COLEC12: variants seen among roughly 807,000 people sequenced by gnomAD.
The protein encoded by COLEC12 is collectin-12.
A neutral mutation model predicts 71.1 loss-of-function variants in COLEC12; 33 were observed. The observed-to-expected ratio is 0.46, with a 90% CI of 0.35 to 0.62. COLEC12 has a LOEUF of 0.62. Ranked by LOEUF, COLEC12 falls within the 20% of genes least tolerant of loss-of-function variation. The pLI is 0.00. For missense variants in COLEC12, 765 were observed against 916.1 expected, an observed-to-expected ratio of 0.84 and a Z score of 2.13; for synonymous variants, 350 against 353.0, an observed-to-expected ratio of 0.99 and a Z score of 0.10.
intron 5 of COLEC12, among the ~76,000 whole-genome samples, chr18:339,736 A>C (rs1914202498): frequency 6.6e-6 from 1 of 152,176 alleles, no homozygotes; most frequent in Admixed American, 6.5e-5. Flanking sequence ...GTTAGGTCAA[A>C]ACATATTCTA....
rs1137351 is a variant in COLEC12 at position 318,553 on chromosome 18, T to G, written c.*1492A>C. On this transcript the variant is annotated 3_prime_UTR_variant, in exon 10 of 10. Coordinates refer to ENST00000400256, the MANE Select transcript of COLEC12 (RefSeq NM_130386.3). ...TGTCACCGAGGCTGGAGTGCAGTGG[T>G]GCGATCTTGGCTCACTGCAATCTCT... 1.7e-4 allele frequency: 22 copies of G among 132,212 alleles called. No individual in the cohort carries two copies. The highest frequency in any genetic ancestry group is 2.6e-4 in the Non-Finnish European group (17 of 64,928). The allele number at this position is 132,212 out of a possible 1,614,324, so 8.2% of individuals were successfully genotyped here.
chr18:483,238 A>G (rs1411361376), intron 1 of COLEC12, among the ~76,000 whole-genome samples: 2 of 151,948 alleles, frequency 1.3e-5, no homozygotes, highest in Non-Finnish European at 2.9e-5. Context: ...CATCTCTACT[A>G]AAAATATAAA....
chr18:364,813 C>G (rs1914821349), intron 2 of COLEC12, among the ~76,000 whole-genome samples: 2 of 152,218 alleles, frequency 1.3e-5, no homozygotes, highest in South Asian at 4.2e-4. Flanking sequence ...GGAACCCTCT[C>G]CTGGTTACTT....
intron 2 of COLEC12, among the ~76,000 whole-genome samples, chr18:383,760 C>T: frequency 6.6e-6 from 1 of 152,060 alleles, no homozygotes; most frequent in African/African-American, 2.4e-5. Context: ...CATTCTCAGG[C>T]TGCTAATACA....
At chr18:357,588 A>G in intron 2 of COLEC12, 66 bp from the exon 3 acceptor site, 4 of 1,339,056 alleles carry the variant, frequency 3.0e-6, no homozygotes, top group Non-Finnish European at 3.1e-6. Flanking sequence ...ATCTTTTTGC[A>G]TTTAGGTTCA....
intron 8 of COLEC12, among the ~76,000 whole-genome samples, chr18:329,895 T>C (rs1408240655): frequency 3.9e-5 from 6 of 152,034 alleles, no homozygotes; most frequent in South Asian, 2.1e-4. Context: ...CAGAGCAACA[T>C]AGTGGACCAC....
intron 2 of COLEC12, among the ~76,000 whole-genome samples, chr18:468,160 G>T (rs756753189): frequency 6.6e-6 from 1 of 151,690 alleles, no homozygotes. Flanking sequence ...TGCTCGGGAG[G>T]CTGAGGCAGG....
chr18:347,744 AG>A (rs1914416964), intron 4 of COLEC12, among the ~76,000 whole-genome samples: 1 of 152,242 alleles, frequency 6.6e-6, no homozygotes, highest in Admixed American at 6.5e-5. Context: ...TGTAGTTTAA[AG>A]TATTTCAAAA....
At chr18:428,602 T>A (rs1916241788) in intron 2 of COLEC12, among the ~76,000 whole-genome samples, 1 of 152,142 alleles carries the variant, frequency 6.6e-6, no homozygotes, top group Non-Finnish European at 1.5e-5. Flanking sequence ...TCTTTGGGAG[T>A]TCATCATAAA....
rs896709203 is a variant in COLEC12, at chr18:399,382, C to T, written c.59-41860G>A. Reference sequence around the variant, plus strand: ...TGGAAGGGTTCTCATCACTGTGTAGCGCGCAGCTCTGTGCCCCTGCCCAGC... The same window carrying T: ...TGGAAGGGTTCTCATCACTGTGTAGTGCGCAGCTCTGTGCCCCTGCCCAGC... On this transcript the variant is annotated intron_variant, in intron 2 of 9. Transcript: ENST00000400256. This position sits in a 1 kb window ranked among gnomAD's most constrained non-coding sequence, Gnocchi z 4.0. Among the ~76,000 whole-genome samples, 1 of 152,202 alleles carries T rather than the reference C, an allele frequency of 6.6e-6. No homozygotes were observed. Among genetic ancestry groups the T allele is most frequent in the East Asian group, 1.9e-4 (1 of 5,190 alleles).
intron 7 of COLEC12, 120 bp from the exon 8 acceptor site, chr18:331,897 G>A (rs2143431487): frequency 1.5e-6 from 1 of 661,158 alleles, no homozygotes; most frequent in Middle Eastern, 3.5e-4. Flanking sequence ...GTCAGAATGT[G>A]TAGCCTGCTT....
At chr18:356,328 G>A (rs1365616604) in intron 3 of COLEC12, among the ~76,000 whole-genome samples, 1 of 152,142 alleles carries the variant, frequency 6.6e-6, no homozygotes, top group Non-Finnish European at 1.5e-5. Context: ...ATGGAGCCAT[G>A]CAGAAGACAT....
chr18:490,849 A>G (rs757991083), intron 1 of COLEC12, among the ~76,000 whole-genome samples: 1 of 152,228 alleles, frequency 6.6e-6, no homozygotes, highest in Non-Finnish European at 1.5e-5. Context: ...GCCAGCCTGA[A>G]GGACCGTGGA....
intron 5 of COLEC12, among the ~76,000 whole-genome samples, chr18:336,703 A>G (rs1045828350): frequency 4.6e-5 from 7 of 152,170 alleles, no homozygotes; most frequent in Admixed American, 2.6e-4. Flanking sequence ...AGAGTAAGAC[A>G]TGGTCAGTCA....
chr18:363,448 G>C (rs1914791534), intron 2 of COLEC12, among the ~76,000 whole-genome samples: 1 of 152,146 alleles, frequency 6.6e-6, no homozygotes, highest in Non-Finnish European at 1.5e-5. Flanking sequence ...TTACCAAAGA[G>C]AAGCTTTAAA....
intron 2 of COLEC12, among the ~76,000 whole-genome samples, chr18:425,183 T>A (rs756115794): frequency 2.6e-5 from 4 of 152,206 alleles, no homozygotes; most frequent in African/African-American, 9.6e-5. Flanking sequence ...CACCAACGTA[T>A]GCAGAAAGCT....
intron 1 of COLEC12, among the ~76,000 whole-genome samples, chr18:487,203 A>G (rs1204626316): frequency 6.6e-6 from 1 of 152,232 alleles, no homozygotes; most frequent in Non-Finnish European, 1.5e-5. Flanking sequence ...GCTAAGTAAA[A>G]GAGGCCAGTC....
At chr18:487,080 A>T (rs1055610230) in intron 1 of COLEC12, among the ~76,000 whole-genome samples, 1 of 152,252 alleles carries the variant, frequency 6.6e-6, no homozygotes, top group Non-Finnish European at 1.5e-5. Context: ...CCAAAGGTTC[A>T]CTGACTGATA....
chr18:401,752 T>C (rs74853781), intron 2 of COLEC12, among the ~76,000 whole-genome samples: 1 of 152,310 alleles, frequency 6.6e-6, no homozygotes, highest in East Asian at 1.9e-4. Context: ...AGTATAGTTC[T>C]TGGGGACATG....
Sources: gnomAD v4.1 joint callset for allele counts (sites outside exome capture counted in the v4.1 genomes callset) on GRCh38, gnomAD v4.1.1 for gene constraint, Gnocchi (gnomAD v3.1) non-coding constraint, MANE v1.5 for transcripts, NCBI Gene and HGNC (gene_info 2026-07-23, HGNC 2026-07-21) for gene names.